Variants in STARD3NL observed in about 807,000 individuals in gnomAD.
The protein encoded by STARD3NL is STARD3 N-terminal-like protein.
Under a neutral mutation model 30.9 loss-of-function variants are expected in STARD3NL, and 17 were observed. That is an observed-to-expected ratio of 0.55 (90% CI 0.38 to 0.82). The LOEUF is 0.82. STARD3NL is among the 40% of genes least tolerant of loss of function. The pLI is 0.00. For synonymous variants in STARD3NL, 112 were observed against 100.5 expected (o/e 1.11, Z -0.69); for missense variants, 234 against 277.6 (o/e 0.84, Z 1.12).
chr7:38,207,679 G>T lies in STARD3NL; in HGVS notation c.175G>T (p.Val59Phe). The T allele has an allele frequency of 6.2e-7, 1 of 1,614,076 alleles. No homozygotes were observed. Among genetic ancestry groups the T allele is most frequent in the Non-Finnish European group, 8.5e-7 (1 of 1,179,970 alleles). Residue 59 changes from valine (V) to phenylalanine (F), a missense_variant, in exon 2 of 9, where the codon GTC becomes TTC. By Grantham distance (50) the Val-to-Phe change is conservative (BLOSUM62 -1). Coordinates refer to ENST00000009041, the MANE Select transcript of STARD3NL (RefSeq NM_032016.4). ...SDVRRTFCLF[V>F]TFDLLFVTLL... ...TGTCAGGAGGACTTTCTGTTTGTTT[G>T]TCACCTTTGACCTCTTATTCGTAAC...
In STARD3NL at chr7:38,207,467, G is replaced by C; in HGVS notation, c.-38G>C. On this transcript the variant is annotated 5_prime_UTR_variant, in exon 2 of 9. Transcript: ENST00000009041. ...CAAAGGTGTCTTCTCTTTAGGGATG[G>C]TGAGGTTGGAAAAAGGCTCCTGTAA... is the stretch of plus-strand genomic sequence containing the variant. 6.3e-7 allele frequency: 1 copy of C among 1,576,650 alleles called. No homozygotes were observed. Among genetic ancestry groups the C allele is most frequent in the South Asian group, 1.1e-5 (1 of 89,696 alleles).
chr7:38,228,153 G>T (rs4720271), intron 7 of STARD3NL, among the ~76,000 whole-genome samples: 127,099 of 152,196 alleles, frequency 0.84, 53,302 homozygotes, highest in African/African-American at 0.9. Flanking sequence ...TACAAGATAT[G>T]TTATGGAACT....
intron 1 of STARD3NL, among the ~76,000 whole-genome samples, chr7:38,200,481 A>G (rs1298579352): frequency 2.0e-5 from 3 of 152,030 alleles, no homozygotes; most frequent in African/African-American, 7.2e-5. Flanking sequence ...AAAAACATTT[A>G]GAAGTGTATC....
chr7:38,219,426 G>C (rs1786319540), intron 6 of STARD3NL, 139 bp from the exon 7 acceptor site: 3 of 552,626 alleles, frequency 5.4e-6, no homozygotes, highest in Non-Finnish European at 9.8e-6. Flanking sequence ...CTTATTGTTT[G>C]GTTGAAACAT....
intron 2 of STARD3NL, among the ~76,000 whole-genome samples, chr7:38,212,963 T>C (rs780686252): frequency 2.0e-5 from 3 of 152,328 alleles, no homozygotes; most frequent in Middle Eastern, 3.4e-3. Context: ...GATAGAGATA[T>C]ACATTTTAGA....
At chr7:38,213,031 A>C (rs999928716) in intron 2 of STARD3NL, among the ~76,000 whole-genome samples, 13 of 152,334 alleles carry the variant, frequency 8.5e-5, no homozygotes, top group Admixed American at 2.0e-4. Context: ...CAGATACCAG[A>C]GAAAAGCTAT....
chr7:38,219,783 G>A, intron 7 of STARD3NL, 123 bp downstream of exon 7: 1 of 740,856 alleles, frequency 1.3e-6, no homozygotes, highest in Non-Finnish European at 2.3e-6. Context: ...CAGGCATTAG[G>A]GATATGAAAA....
intron 1 of STARD3NL, among the ~76,000 whole-genome samples, chr7:38,181,739 C>T (rs1784255211): frequency 6.6e-6 from 1 of 152,180 alleles, no homozygotes; most frequent in Non-Finnish European, 1.5e-5. Context: ...TATCTCTATT[C>T]TTTAAGATCG....
At chr7:38,184,362 A>G (rs1213339050) in intron 1 of STARD3NL, among the ~76,000 whole-genome samples, 1 of 152,084 alleles carries the variant, frequency 6.6e-6, no homozygotes, top group Non-Finnish European at 1.5e-5. Flanking sequence ...GGATAATTTT[A>G]TAAAGAAAAG....
intron 8 of STARD3NL, 125 bp downstream of exon 8, chr7:38,228,996 A>G: frequency 1.7e-6 from 1 of 577,642 alleles, no homozygotes; most frequent in Admixed American, 3.3e-5. Flanking sequence ...TACTTGCATG[A>G]ATTTATCAGT....
intron 1 of STARD3NL, among the ~76,000 whole-genome samples, chr7:38,193,480 A>G (rs1011052946): frequency 3.3e-5 from 5 of 152,098 alleles, no homozygotes; most frequent in African/African-American, 4.8e-5. Context: ...TTGTATTTTT[A>G]GTAGAGACGG....
At chr7:38,178,587 G>T (rs1051073101) in intron 1 of STARD3NL, among the ~76,000 whole-genome samples, 167 bp downstream of exon 1, 3 of 152,110 alleles carry the variant, frequency 2.0e-5, no homozygotes, top group African/African-American at 7.2e-5. Context: ...GGAGGGGCGA[G>T]GCAGGCTGTG....
At chr7:38,186,688 A>C (rs1319553778) in intron 1 of STARD3NL, among the ~76,000 whole-genome samples, 1 of 152,234 alleles carries the variant, frequency 6.6e-6, no homozygotes, top group Non-Finnish European at 1.5e-5. Flanking sequence ...AACATGCTGT[A>C]CAGGTTTATA....
At chr7:38,218,497 T>G (rs1372747656) in intron 6 of STARD3NL, among the ~76,000 whole-genome samples, 1 of 152,250 alleles carries the variant, frequency 6.6e-6, no homozygotes, top group Non-Finnish European at 1.5e-5. Context: ...TATATAAATA[T>G]AAAACTGAAC....
chr7:38,217,213 A>G lies in STARD3NL; in HGVS notation c.461A>G (p.Tyr154Cys). ...CTTTTCTCTCAAGGGGCTTTTGGCT[A>G]TGTGCTGCCCATCATTTCATTCATC... ...SKLFSQGAFGYVLPIISFILA... is the reference protein window; with the variant it reads ...SKLFSQGAFGCVLPIISFILA... Residue 154 changes from tyrosine to cysteine, a missense_variant, in exon 6 of 9, where the codon TAT (tyrosine) becomes TGT (cysteine). By Grantham distance (194) the Tyr-to-Cys change is radical. Transcript: ENST00000009041. The G allele has an allele frequency of 6.2e-7, 1 of 1,613,964 alleles. No individual in the cohort carries two copies. The highest frequency in any genetic ancestry group is 8.5e-7 in the Non-Finnish European group (1 of 1,179,940).
intron 1 of STARD3NL, among the ~76,000 whole-genome samples, chr7:38,181,960 T>G (rs7782241): frequency 0.012 from 1,882 of 152,286 alleles, 51 homozygotes; most frequent in African/African-American, 0.044. Context: ...TCCACTCAAA[T>G]GCTGCTTTAT....
chr7:38,210,543 C>T (rs1029704625), intron 2 of STARD3NL, among the ~76,000 whole-genome samples: 24 of 152,166 alleles, frequency 1.6e-4, no homozygotes, highest in African/African-American at 5.3e-4. Flanking sequence ...GATCTTAGGG[C>T]TGCTGATCTC....
At chr7:38,228,478 A>T (rs1786911907) in intron 7 of STARD3NL, among the ~76,000 whole-genome samples, 2 of 152,358 alleles carry the variant, frequency 1.3e-5, no homozygotes, top group African/African-American at 4.8e-5. Flanking sequence ...ATGTAAAAAA[A>T]TATATGCAAG....
chr7:38,213,489 GTGT>G (rs1785927997), intron 2 of STARD3NL, among the ~76,000 whole-genome samples: 1 of 152,124 alleles, frequency 6.6e-6, no homozygotes, highest in Non-Finnish European at 1.5e-5. Flanking sequence ...CCTGGCAAAG[GTGT>G]TCCTTAATGT....
Sources: allele counts gnomAD v4.1 joint callset (sites outside exome capture counted in the v4.1 genomes callset), GRCh38; gene constraint gnomAD v4.1.1; transcripts MANE v1.5; gene names NCBI Gene and HGNC (gene_info 2026-07-23, HGNC 2026-07-21).